Variants in STK32C observed in about 807,000 individuals in gnomAD.
STK32C encodes serine/threonine kinase 32C, also known as serine/threonine-protein kinase 32C.
In STK32C, 31 loss-of-function variants were observed where a neutral mutation model predicts 56.5. The observed-to-expected ratio is 0.55, with a 90% CI of 0.41 to 0.74. The LOEUF (loss-of-function observed/expected upper bound fraction) is 0.74, where lower values mean the gene tolerates loss of function less well. Ranked by LOEUF, STK32C falls within the 30% of genes least tolerant of loss-of-function variation. The pLI, the probability that STK32C is intolerant of heterozygous loss-of-function variation, is 0.00. For missense variants in STK32C, 544 were observed against 676.9 expected (o/e 0.80, Z 2.18); for synonymous variants, 309 against 289.4 (o/e 1.07, Z -0.69).
chr10:132,276,587 G>C (rs2065003397), intron 1 of STK32C, among the ~76,000 whole-genome samples: 1 of 151,610 alleles, frequency 6.6e-6, no homozygotes, highest in Non-Finnish European at 1.5e-5. Flanking sequence ...TGTGAGACCA[G>C]CCTGGATAAC....
chr10:132,247,353 A>G (rs1361761695), intron 1 of STK32C, among the ~76,000 whole-genome samples: 1 of 152,208 alleles, frequency 6.6e-6, no homozygotes, highest in African/African-American at 2.4e-5. Context: ...CCCAGGTTTC[A>G]GCATAGACGC....
At chr10:132,331,638 C>A (rs569034827) in exon 1 of STK32C, 2 of 1,612,882 alleles carry the variant, frequency 1.2e-6, no homozygotes, top group African/African-American at 1.3e-5. Flanking sequence ...GAGGACCGCT[C>A]CAAAGGTGGT....
intron 10 of STK32C, among the ~76,000 whole-genome samples, chr10:132,221,475 G>A (rs2062644545): frequency 6.9e-6 from 1 of 145,330 alleles, no homozygotes; most frequent in Admixed American, 6.9e-5. Context: ...CAACGCACCT[G>A]GGTGAGTGTG....
chr10:132,283,303 T>C (rs908031423), intron 1 of STK32C, among the ~76,000 whole-genome samples: 1 of 152,174 alleles, frequency 6.6e-6, no homozygotes, highest in African/African-American at 2.4e-5. Context: ...ACGGGTAAGT[T>C]ACAAGAAAAA....
intron 3 of STK32C, among the ~76,000 whole-genome samples, chr10:132,227,175 A>G (rs150728233): frequency 3.3e-5 from 5 of 152,192 alleles, no homozygotes; most frequent in Non-Finnish European, 7.4e-5. Flanking sequence ...AAGACACACC[A>G]CCCTGTGCTG....
chr10:132,302,901 A>G (rs2065951227), intron 1 of STK32C, among the ~76,000 whole-genome samples: 1 of 152,236 alleles, frequency 6.6e-6, no homozygotes, highest in African/African-American at 2.4e-5. Flanking sequence ...CGGGGCCACT[A>G]GAGTCACTCC....
intron 1 of STK32C, among the ~76,000 whole-genome samples, chr10:132,329,986 G>A (rs370088672): frequency 6.7e-6 from 1 of 148,902 alleles, no homozygotes; most frequent in Non-Finnish European, 1.5e-5. Flanking sequence ...GTCGCTGCCC[G>A]GAGGAAGGTC....
intron 1 of STK32C, among the ~76,000 whole-genome samples, chr10:132,257,931 G>A (rs2064182222): frequency 6.6e-6 from 1 of 152,204 alleles, no homozygotes; most frequent in Admixed American, 6.5e-5. Context: ...AAAGCCACAG[G>A]CCCTGACATG....
At position 132,222,647 on chromosome 10, in the gene STK32C, G is replaced by C; in HGVS notation, c.1245C>G (p.Ser415=). ...AGCCTGCCCTGGCACTCACGGACTG[G>C]GAGCTGTCCCTGCTGTTGTCCCGGG... The part of the protein sequence containing the change: ...NKSRDNSRDS[S]QSENDYLQDC... Residue 415 remains serine (S), a synonymous_variant, in exon 10 of 12, where the codon TCC becomes TCG. Coordinates refer to ENST00000298630, the MANE Select transcript of STK32C (RefSeq NM_173575.4). The C allele has an allele frequency of 6.2e-7, 1 of 1,612,536 alleles. No individual in the cohort carries two copies. The highest frequency in any genetic ancestry group is 8.5e-7 in the Non-Finnish European group (1 of 1,179,934).
intron 1 of STK32C, among the ~76,000 whole-genome samples, chr10:132,274,442 G>A (rs148369735): frequency 1.8e-4 from 27 of 152,362 alleles, no homozygotes; most frequent in Middle Eastern, 3.4e-3. Flanking sequence ...ATTTTCGTAT[G>A]TGTTTGATGG....
chr10:132,247,881 G>A (rs561210740), intron 1 of STK32C, among the ~76,000 whole-genome samples: 2 of 152,228 alleles, frequency 1.3e-5, no homozygotes, highest in Admixed American at 1.3e-4. Flanking sequence ...GGAGGGGGTG[G>A]GGCTTCAAGG....
At chr10:132,285,295 C>A (rs11146311) in intron 1 of STK32C, among the ~76,000 whole-genome samples, 19,167 of 152,250 alleles carry the variant, frequency 0.13, 1,515 homozygotes, top group South Asian at 0.2. Flanking sequence ...TATATTCTCA[C>A]CCTGGGAGAC....
At chr10:132,215,137 G>C (rs1374374786) in intron 10 of STK32C, among the ~76,000 whole-genome samples, 2 of 152,128 alleles carry the variant, frequency 1.3e-5, no homozygotes, top group Non-Finnish European at 2.9e-5. Flanking sequence ...TACTGCCTCA[G>C]CCTCCTGCGT....
intron 6 of STK32C, 30 bp downstream of exon 6, chr10:132,225,497 C>A: frequency 6.2e-7 from 1 of 1,613,088 alleles, no homozygotes; most frequent in Non-Finnish European, 8.5e-7. Flanking sequence ...AGGAAGCCAG[C>A]TCCCATCTGG....
At chr10:132,221,860 G>A (rs1293195597) in intron 10 of STK32C, among the ~76,000 whole-genome samples, 144 of 79,594 alleles carry the variant, frequency 1.8e-3, no homozygotes, top group Middle Eastern at 0.012. Flanking sequence ...AGGGCTTCAC[G>A]TGGCCATCCC....
Position 132,307,536 on chromosome 10 carries a change from G to T in STK32C, c.262+36C>A. ...CAGCCGCGCCCGCCCCTGCAATAGC[G>T]CGCGGCCCCCACGTCGTCCCCGTGC... On this transcript the variant is annotated intron_variant, in intron 1 of 11. Transcript: ENST00000298630. The surrounding 1 kb of genome is among the most constrained non-coding windows in gnomAD (Gnocchi z 4.4). The T allele has an allele frequency of 6.5e-7, 1 of 1,528,348 alleles. No individual in the cohort carries two copies. The highest frequency in any genetic ancestry group is 8.8e-7 in the Non-Finnish European group (1 of 1,139,022). The allele number at this position is 1,528,348 out of a possible 1,614,324, so 94.7% of individuals were successfully genotyped here.
intron 1 of STK32C, among the ~76,000 whole-genome samples, chr10:132,268,864 CA>C (rs2064710337): frequency 7.0e-6 from 1 of 142,438 alleles, no homozygotes; most frequent in African/African-American, 2.6e-5. Flanking sequence ...TGTGTGCATG[CA>C]TGTCCCACAT....
chr10:132,238,523 C>T (rs1414675100), intron 2 of STK32C, among the ~76,000 whole-genome samples: 1 of 152,126 alleles, frequency 6.6e-6, no homozygotes, highest in Non-Finnish European at 1.5e-5. Flanking sequence ...TTGAGACTGG[C>T]CTGTGGGAAT....
chr10:132,249,158 G>C (rs1490047713), intron 1 of STK32C: 3 of 421,212 alleles, frequency 7.1e-6, no homozygotes, highest in East Asian at 1.5e-4. Context: ...GGCGGGGCGT[G>C]CAGGGGGCGG....
Sources: gnomAD v4.1 joint callset for allele counts (sites outside exome capture counted in the v4.1 genomes callset) on GRCh38, gnomAD v4.1.1 for gene constraint, Gnocchi (gnomAD v3.1) non-coding constraint, MANE v1.5 for transcripts, NCBI Gene and HGNC (gene_info 2026-07-23, HGNC 2026-07-21) for gene names.